SMURF1: variants seen among roughly 807,000 people sequenced by gnomAD.
SMURF1 encodes E3 ubiquitin-protein ligase SMURF1.
A neutral mutation model predicts 98.0 loss-of-function variants in SMURF1; 44 were observed. The observed-to-expected ratio is 0.45, with a 90% CI of 0.35 to 0.58. The LOEUF (loss-of-function observed/expected upper bound fraction) is 0.58. Among genes scored for constraint, SMURF1 ranks in the 20% least tolerant of loss-of-function variants. The pLI is 0.00. For missense variants in SMURF1, 687 were observed against 938.4 expected (o/e 0.73, Z 3.50); for synonymous variants, 396 against 374.9 (o/e 1.06, Z -0.65).
At chr7:99,129,298 C>T (rs557748843) in intron 1 of SMURF1, among the ~76,000 whole-genome samples, 2 of 152,346 alleles carry the variant, frequency 1.3e-5, no homozygotes, top group East Asian at 3.9e-4. Flanking sequence ...TTAGCTAACA[C>T]ATATTGAACA....
At chr7:99,033,363 T>G (rs1794992586) in intron 16 of SMURF1, among the ~76,000 whole-genome samples, 1 of 152,262 alleles carries the variant, frequency 6.6e-6, no homozygotes, top group East Asian at 1.9e-4. Context: ...CAGGCTGGAG[T>G]GCAGTGGGGC....
chr7:99,033,146 T>C (rs977153629), intron 16 of SMURF1, 25 bp from the exon 17 acceptor site: 3 of 1,556,420 alleles, frequency 1.9e-6, no homozygotes, highest in South Asian at 2.4e-5. Context: ...TTCTAGTTAA[T>C]GTACTTCAGA....
chr7:99,033,195 G>T (rs992744016), intron 16 of SMURF1, 74 bp from the exon 17 acceptor site: 1 of 1,460,442 alleles, frequency 6.8e-7, no homozygotes, highest in Admixed American at 2.0e-5. Context: ...CAGCCCCCAG[G>T]AGCAGGGCCC....
intron 1 of SMURF1, among the ~76,000 whole-genome samples, chr7:99,132,348 A>G (rs902914765): frequency 6.6e-6 from 1 of 152,186 alleles, no homozygotes; most frequent in East Asian, 1.9e-4. Flanking sequence ...GGTATTTGTG[A>G]GCACCAGCAG....
rs764531707 is a variant in SMURF1 at position 99,035,645 on chromosome 7, C to T, written c.1881G>A (p.Val627=). ...WKSNTRLKHC[V]ADSNIVRWFW... is the part of the protein sequence containing the mutation. The stretch of plus-strand genomic sequence containing the variant: ...ACCACCGCACGATGTTGCTGTCGGC[C>T]ACACAGTGCTTCAGCCGCGTGTTCG... The change falls in exon 16 of 18, where the codon GTG becomes GTA. Residue 627 remains valine, a synonymous_variant. Coordinates refer to ENST00000361368, the MANE Select transcript of SMURF1 (RefSeq NM_181349.3). 3.7e-6 allele frequency: 6 copies of T among 1,614,234 alleles called. No homozygotes were observed. Among genetic ancestry groups the T allele is most frequent in the East Asian group, 2.2e-5 (1 of 44,884 alleles).
intron 11 of SMURF1, 37 bp from the exon 12 acceptor site, chr7:99,042,269 T>A: frequency 3.8e-6 from 5 of 1,323,762 alleles, no homozygotes; most frequent in Non-Finnish European, 4.3e-6. Context: ...TGAGACGCGC[T>A]AAAATTTCTA....
intron 6 of SMURF1, among the ~76,000 whole-genome samples, chr7:99,054,250 A>G (rs2150530248): frequency 6.6e-6 from 1 of 151,692 alleles, no homozygotes; most frequent in Middle Eastern, 3.4e-3. Flanking sequence ...AAACTCACCC[A>G]TCTTTGGCCC....
At chr7:99,109,743 C>T (rs190797066) in intron 1 of SMURF1, among the ~76,000 whole-genome samples, 107 of 152,134 alleles carry the variant, frequency 7.0e-4, no homozygotes, top group African/African-American at 2.4e-3. Flanking sequence ...CCAAAGATAA[C>T]GAAAAAGCAT....
At chr7:99,133,588 A>C (rs1797922578) in intron 1 of SMURF1, among the ~76,000 whole-genome samples, 1 of 152,208 alleles carries the variant, frequency 6.6e-6, no homozygotes, top group South Asian at 2.1e-4. Context: ...ACCACTTCGG[A>C]AAAGCATTTG....
chr7:99,140,466 C>T (rs1283581364), intron 1 of SMURF1, among the ~76,000 whole-genome samples: 1 of 151,866 alleles, frequency 6.6e-6, no homozygotes, highest in Non-Finnish European at 1.5e-5. Context: ...TTTTGTATTT[C>T]TACTAGAGAC....
chr7:99,051,201 C>T (rs1301083226), intron 8 of SMURF1, among the ~76,000 whole-genome samples, 156 bp downstream of exon 8: 1 of 152,154 alleles, frequency 6.6e-6, no homozygotes, highest in Non-Finnish European at 1.5e-5. Context: ...TCTACTCCCC[C>T]CACCCCAGCT....
intron 1 of SMURF1, chr7:99,120,720 A>G (rs1043500086): frequency 1.3e-5 from 2 of 151,924 alleles, no homozygotes; most frequent in East Asian, 3.9e-4. Flanking sequence ...CTCTGAAGAG[A>G]ATCTAAATTT....
rs116452188 is a variant in SMURF1 at position 99,062,113 on chromosome 7, G to A, written c.56-276C>T. 5.1e-3 allele frequency among the ~76,000 whole-genome samples: 764 copies of A among 149,622 alleles called. 5 individuals carry two copies. The highest frequency in any genetic ancestry group is 0.018 in the African/African-American group (737 of 40,598). Reference sequence around the variant, plus strand: ...ATCAATATACTTTTTTTTTTTTTAAGAGATAAGGTCTTGCTCTCTTGCCCA... The same window carrying A: ...ATCAATATACTTTTTTTTTTTTTAAAAGATAAGGTCTTGCTCTCTTGCCCA... On this transcript the variant is annotated intron_variant, in intron 1 of 17. Coordinates refer to ENST00000361368, the MANE Select transcript of SMURF1 (RefSeq NM_181349.3).
chr7:99,108,279 G>A (rs147535363), intron 1 of SMURF1, among the ~76,000 whole-genome samples: 10 of 151,584 alleles, frequency 6.6e-5, no homozygotes, highest in East Asian at 6.0e-4. Flanking sequence ...GTGCAGTGGC[G>A]CGATCTTGGC....
At chr7:99,053,215 G>A (rs1169469717) in intron 6 of SMURF1, among the ~76,000 whole-genome samples, 1 of 151,664 alleles carries the variant, frequency 6.6e-6, no homozygotes, top group African/African-American at 2.4e-5. Flanking sequence ...ACCTTAATAG[G>A]CTACTGTCCC....
intron 1 of SMURF1, among the ~76,000 whole-genome samples, chr7:99,119,869 C>T (rs1797561378): frequency 6.6e-6 from 1 of 152,216 alleles, no homozygotes; most frequent in Non-Finnish European, 1.5e-5. Flanking sequence ...TTTGTCTTGA[C>T]TCTGAAGATC....
At position 99,033,031 on chromosome 7, in the gene SMURF1, G is replaced by A. The variant is rs1377831684; in HGVS notation, c.2096+6C>T. On this transcript the variant is annotated splice_donor_region_variant and intron_variant, in intron 17 of 17. Coordinates refer to ENST00000361368, the MANE Select transcript of SMURF1 (RefSeq NM_181349.3). ...GACGCCGTGACTTCCTGGCCGCGGT[G>A]CTTACCAGGTATGGGCCTTCGGAAG... is the stretch of plus-strand genomic sequence containing the variant. 1 of 1,598,842 alleles carries A rather than the reference G, an allele frequency of 6.3e-7. No homozygotes were observed. Among genetic ancestry groups the A allele is most frequent in the Non-Finnish European group, 8.5e-7 (1 of 1,172,118 alleles).
intron 3 of SMURF1, among the ~76,000 whole-genome samples, chr7:99,059,422 T>G (rs868138704): frequency 9.3e-6 from 1 of 107,630 alleles, no homozygotes; most frequent in East Asian, 2.2e-4. Flanking sequence ...TAAAATAAAA[T>G]AAAATAAAAT....
At chr7:99,114,182 G>A (rs973983530) in intron 1 of SMURF1, among the ~76,000 whole-genome samples, 15 of 151,814 alleles carry the variant, frequency 9.9e-5, no homozygotes, top group African/African-American at 1.2e-4. Flanking sequence ...TGTAAACCAC[G>A]GGGCAACCAC....
Sources: gnomAD v4.1 joint callset for allele counts (sites outside exome capture counted in the v4.1 genomes callset) on GRCh38, gnomAD v4.1.1 for gene constraint, MANE v1.5 for transcripts, NCBI Gene and HGNC (gene_info 2026-07-23, HGNC 2026-07-21) for gene names.